HCN1: variants seen among roughly 807,000 people sequenced by gnomAD.
HCN1 encodes the protein hyperpolarization activated cyclic nucleotide gated potassium channel 1.
HCN1 carries 13 observed loss-of-function variants against 78.9 expected under a neutral mutation model. That is an observed-to-expected ratio of 0.16 (90% CI 0.11 to 0.26). The LOEUF (loss-of-function observed/expected upper bound fraction) is 0.26. Ranked by LOEUF, HCN1 falls within the 10% of genes least tolerant of loss-of-function variation. HCN1 has a pLI of 1.00. For synonymous variants in HCN1, 552 were observed against 455.5 expected (o/e 1.21, Z -2.70); for missense variants, 810 against 1,154.3 (o/e 0.70, Z 4.32).
chr5:45,330,972 C>G (rs1392780440), intron 5 of HCN1, among the ~76,000 whole-genome samples: 2 of 151,158 alleles, frequency 1.3e-5, no homozygotes, highest in Non-Finnish European at 3.0e-5. Context: ...ATCTGTCTTA[C>G]TTTAACCACT....
intron 3 of HCN1, among the ~76,000 whole-genome samples, chr5:45,433,497 A>C (rs1423013017): frequency 6.6e-6 from 1 of 151,756 alleles, no homozygotes; most frequent in Non-Finnish European, 1.5e-5. Flanking sequence ...TCCTGAAGAC[A>C]GTATACCATT....
chr5:45,646,367 CTTTTTTTTTT>C (rs201964510), intron 1 of HCN1, among the ~76,000 whole-genome samples: 2 of 123,500 alleles, frequency 1.6e-5, no homozygotes, highest in Admixed American at 1.7e-4. Context: ...TTCTTTCTTT[CTTTTTTTTTT>C]TTTTTTTTTT....
chr5:45,544,671 A>G (rs1052462781), intron 2 of HCN1, among the ~76,000 whole-genome samples: 1 of 144,088 alleles, frequency 6.9e-6, no homozygotes, highest in African/African-American at 2.6e-5. Context: ...TCACTGTTCA[A>G]TTCCCACCTA....
intron 3 of HCN1, among the ~76,000 whole-genome samples, chr5:45,410,807 A>T (rs1465608162): frequency 2.0e-5 from 3 of 152,092 alleles, no homozygotes; most frequent in African/African-American, 7.2e-5. Flanking sequence ...CCCAACTTAA[A>T]TTCTTATCCT....
Position 45,501,985 on chromosome 5 carries a change from G to T in HCN1, c.850-39978C>A, listed in dbSNP as rs75800206. 4.8e-3 allele frequency among the ~76,000 whole-genome samples: 729 copies of T among 152,158 alleles called. 2 individuals are homozygous for T. Among genetic ancestry groups the T allele is most frequent in the Non-Finnish European group, 8.3e-3 (565 of 67,994 alleles). On this transcript the variant is annotated intron_variant, in intron 2 of 7. Coordinates refer to ENST00000303230, the MANE Select transcript of HCN1 (RefSeq NM_021072.4). ...AACTTAAAATAGCAATATATTGTTT[G>T]TATTATTTTAATAATAATGTCAATC... is the stretch of plus-strand genomic sequence containing the variant.
chr5:45,517,021 A>C lies in HCN1; in HGVS notation c.850-55014T>G, dbSNP rs569808752. Reference sequence around the variant, plus strand: ...CTTCTTTATTGATTTATGCATAAAGAGAATCATAGGACTTTGTGGAAAACT... The same window carrying C: ...CTTCTTTATTGATTTATGCATAAAGCGAATCATAGGACTTTGTGGAAAACT... On this transcript the variant is annotated intron_variant, in intron 2 of 7. Coordinates refer to ENST00000303230, the MANE Select transcript of HCN1 (RefSeq NM_021072.4). Among the ~76,000 whole-genome samples the C allele has an allele frequency of 1.4e-4, 21 of 152,156 alleles. No homozygotes were observed. The South Asian group carries it at 4.4e-3, about 32-fold the overall frequency.
intron 5 of HCN1, among the ~76,000 whole-genome samples, chr5:45,322,878 T>C (rs1746150699): frequency 6.6e-6 from 1 of 151,834 alleles, no homozygotes; most frequent in Non-Finnish European, 1.5e-5. Context: ...ATGTAGGAAG[T>C]GAAACCTACT....
chr5:45,290,244 CTCTT>C (rs1745344559), intron 6 of HCN1, among the ~76,000 whole-genome samples: 1 of 152,026 alleles, frequency 6.6e-6, no homozygotes, highest in Admixed American at 6.6e-5. Flanking sequence ...CATTAAACCT[CTCTT>C]TCTTTATAAA....
intron 3 of HCN1, among the ~76,000 whole-genome samples, chr5:45,426,206 T>C (rs1278238183): frequency 6.6e-6 from 1 of 152,206 alleles, no homozygotes; most frequent in Non-Finnish European, 1.5e-5. Context: ...ACATGTATGG[T>C]GAATACCTTT....
chr5:45,524,822 C>T (rs1425777781), intron 2 of HCN1, among the ~76,000 whole-genome samples: 3 of 152,046 alleles, frequency 2.0e-5, no homozygotes, highest in Non-Finnish European at 2.9e-5. Flanking sequence ...ATTTGACTTC[C>T]TCTTTTCCTA....
At chr5:45,514,613 T>A (rs1742484166) in intron 2 of HCN1, among the ~76,000 whole-genome samples, 1 of 152,088 alleles carries the variant, frequency 6.6e-6, no homozygotes, top group African/African-American at 2.4e-5. Context: ...TTCCCAAAAT[T>A]TGTTCCTGCT....
intron 3 of HCN1, among the ~76,000 whole-genome samples, chr5:45,446,275 A>G (rs925381468): frequency 2.0e-5 from 3 of 152,358 alleles, no homozygotes; most frequent in East Asian, 1.9e-4. Context: ...ATCAACTGGA[A>G]GAAAGGGTAT....
chr5:45,543,989 A>G (rs1208569072), intron 2 of HCN1, among the ~76,000 whole-genome samples: 3 of 152,076 alleles, frequency 2.0e-5, no homozygotes, highest in Non-Finnish European at 2.9e-5. Flanking sequence ...GTACAAAAAA[A>G]GGGGCAGATT....
At chr5:45,288,336 T>G (rs1342758461) in intron 6 of HCN1, among the ~76,000 whole-genome samples, 2 of 152,076 alleles carry the variant, frequency 1.3e-5, no homozygotes, top group Non-Finnish European at 2.9e-5. Flanking sequence ...AATGCAGCCC[T>G]TCTTTAAAAA....
intron 4 of HCN1, among the ~76,000 whole-genome samples, chr5:45,372,985 AT>A (rs1189129230): frequency 3.6e-5 from 5 of 140,346 alleles, no homozygotes; most frequent in Non-Finnish European, 7.7e-5. Context: ...TAAATAAAAA[AT>A]AATATATAAA....
Position 45,581,188 on chromosome 5 carries a change from C to A in HCN1, c.849+63997G>T, listed in dbSNP as rs1484467297. 2.0e-5 allele frequency among the ~76,000 whole-genome samples: 3 copies of A among 152,326 alleles called. No individual in the cohort carries two copies. In the East Asian group the frequency reaches 5.8e-4, roughly 29 times the overall value. On this transcript the variant is annotated intron_variant, in intron 2 of 7. Coordinates refer to ENST00000303230, the MANE Select transcript of HCN1 (RefSeq NM_021072.4). ...AAGTGTTCCTATTTCTCCACATCAT[C>A]TCCAGCACCTGTTGTTTCCTGACTT...
At chr5:45,332,601 T>A (rs550172483) in intron 5 of HCN1, among the ~76,000 whole-genome samples, 1 of 151,604 alleles carries the variant, frequency 6.6e-6, no homozygotes, top group South Asian at 2.1e-4. Flanking sequence ...ATCATTTTTG[T>A]ACCCAGTAAG....
intron 2 of HCN1, among the ~76,000 whole-genome samples, chr5:45,519,907 G>C (rs1297751572): frequency 6.6e-6 from 1 of 151,714 alleles, no homozygotes; most frequent in Non-Finnish European, 1.5e-5. Context: ...CTAATAATTA[G>C]GTTGGCTTTC....
intron 3 of HCN1, among the ~76,000 whole-genome samples, chr5:45,436,901 A>G (rs576552998): frequency 6.6e-6 from 1 of 152,326 alleles, no homozygotes; most frequent in Admixed American, 6.5e-5. Context: ...ACCAGAGAAA[A>G]TAAGTCCGAT....
Sources: gnomAD v4.1 joint callset for allele counts (sites outside exome capture counted in the v4.1 genomes callset) on GRCh38, gnomAD v4.1.1 for gene constraint, MANE v1.5 for transcripts, NCBI Gene and HGNC (gene_info 2026-07-23, HGNC 2026-07-21) for gene names.